Variants in EGLN1 observed in about 807,000 individuals in gnomAD.
EGLN1 encodes the protein egl-9 family hypoxia inducible factor 1, also known as egl nine homolog 1.
Under a neutral mutation model 38.3 loss-of-function variants are expected in EGLN1, and 17 were observed. The observed-to-expected ratio is 0.44, with a 90% confidence interval of 0.30 to 0.67. The LOEUF is 0.67. Among genes scored for constraint, EGLN1 ranks in the 30% least tolerant of loss-of-function variants. EGLN1 has a pLI of 0.08. For synonymous variants in EGLN1, 283 were observed against 257.5 expected, an observed-to-expected ratio of 1.10 and a Z score of -0.95; for missense variants, 477 against 603.3, an observed-to-expected ratio of 0.79 and a Z score of 2.19.
chr1:231,402,974 T>C (rs999912589), intron 1 of EGLN1, among the ~76,000 whole-genome samples: 2 of 152,118 alleles, frequency 1.3e-5, no homozygotes, highest in South Asian at 4.1e-4. Flanking sequence ...CCCTGTACCA[T>C]TGCTCTACAT....
chr1:231,388,142 A>G (rs1688268520), intron 1 of EGLN1, among the ~76,000 whole-genome samples: 1 of 152,202 alleles, frequency 6.6e-6, no homozygotes, highest in African/African-American at 2.4e-5. Context: ...AAGCAAAGTG[A>G]TTGATGGGCC....
At chr1:231,402,967 T>C (rs558216398) in intron 1 of EGLN1, among the ~76,000 whole-genome samples, 2 of 151,902 alleles carry the variant, frequency 1.3e-5, no homozygotes, top group African/African-American at 2.4e-5. Flanking sequence ...CTCTTCACCC[T>C]GTACCATTGC....
chr1:231,381,373 T>G (rs1222674400), intron 1 of EGLN1, among the ~76,000 whole-genome samples: 1 of 152,146 alleles, frequency 6.6e-6, no homozygotes, highest in Non-Finnish European at 1.5e-5. Flanking sequence ...TGTAAAGTTT[T>G]TAAAAATCCA....
chr1:231,393,839 A>C (rs988264090), intron 1 of EGLN1, among the ~76,000 whole-genome samples: 1 of 152,178 alleles, frequency 6.6e-6, no homozygotes, highest in African/African-American at 2.4e-5. Context: ...TGTTCCCAGT[A>C]GGTTTTAATA....
intron 2 of EGLN1, among the ~76,000 whole-genome samples, chr1:231,373,513 A>G (rs2808580): frequency 0.55 from 82,927 of 152,054 alleles, 24,240 homozygotes; most frequent in Non-Finnish European, 0.65. Context: ...ACTTTTTTAT[A>G]TGGTTTTGAG....
chr1:231,369,832 AT>A (rs953812099), intron 3 of EGLN1, among the ~76,000 whole-genome samples: 231 of 152,110 alleles, frequency 1.5e-3, no homozygotes, highest in African/African-American at 4.3e-3. Flanking sequence ...AAAAATAAGT[AT>A]TTTTTTTTAA....
rs1460042971 is a variant in EGLN1, at chr1:231,365,947, G to A, written c.*464C>T. ...AGGGCAAAATTTAATAGTATGAACA[G>A]GTTTACAAAAATAGATTGATGTTAT... On this transcript the variant is annotated 3_prime_UTR_variant, in exon 5 of 5. Transcript: ENST00000366641. 6.0e-6 allele frequency: 1 copy of A among 165,404 alleles called. No homozygotes were observed. Among genetic ancestry groups the A allele is most frequent in the African/African-American group, 2.4e-5 (1 of 41,510 alleles). The allele number at this position is 165,404 out of a possible 1,614,324, so 10.2% of individuals were successfully genotyped here. A position where few individuals can be genotyped will look rare whatever the true frequency, so the allele number is the denominator to read the frequency against.
At chr1:231,369,348 C>G (rs946875937) in intron 3 of EGLN1, among the ~76,000 whole-genome samples, 4 of 152,178 alleles carry the variant, frequency 2.6e-5, no homozygotes, top group African/African-American at 7.2e-5. Flanking sequence ...TCCCAAGTAT[C>G]TGTTATTTAT....
chr1:231,373,675 TGC>T (rs758944944), intron 2 of EGLN1, among the ~76,000 whole-genome samples: 82,248 of 123,616 alleles, frequency 0.67, 23,994 homozygotes, highest in Non-Finnish European at 0.71. Context: ...ACCTCGTGTG[TGC>T]GTGTGTGTGT....
intron 1 of EGLN1, among the ~76,000 whole-genome samples, chr1:231,383,914 C>CTA (rs565974718): frequency 2.0e-4 from 31 of 152,166 alleles, no homozygotes; most frequent in African/African-American, 7.5e-4. Flanking sequence ...GTACTTTAAA[C>CTA]AAGCACTTCA....
chr1:231,375,291 A>C (rs1687932171), intron 1 of EGLN1, among the ~76,000 whole-genome samples: 1 of 144,780 alleles, frequency 6.9e-6, no homozygotes, highest in African/African-American at 2.5e-5. Flanking sequence ...CCTGACCTCA[A>C]GTGATCCTCC....
intron 1 of EGLN1, among the ~76,000 whole-genome samples, chr1:231,377,179 A>G (rs2808584): frequency 0.55 from 82,934 of 152,126 alleles, 24,240 homozygotes; most frequent in Non-Finnish European, 0.65. Flanking sequence ...TAATTTGTGC[A>G]TAACAAGTTG....
At chr1:231,386,982 T>G (rs1688226859) in intron 1 of EGLN1, among the ~76,000 whole-genome samples, 1 of 152,068 alleles carries the variant, frequency 6.6e-6, no homozygotes, top group Admixed American at 6.6e-5. Context: ...TGCCTCAGCC[T>G]CCTGAACAGC....
chr1:231,420,849 T>C, intron 1 of EGLN1, 149 bp downstream of exon 1: 2 of 1,505,318 alleles, frequency 1.3e-6, no homozygotes, highest in South Asian at 1.1e-5. Flanking sequence ...ACAAATTCTG[T>C]CCGTCTTCCT....
intron 1 of EGLN1, among the ~76,000 whole-genome samples, chr1:231,374,552 CTG>C (rs1687909300): frequency 6.6e-6 from 1 of 150,470 alleles, no homozygotes; most frequent in African/African-American, 2.4e-5. Context: ...GGGTCTGGCT[CTG>C]TTGCTCAGGT....
intron 1 of EGLN1, among the ~76,000 whole-genome samples, chr1:231,398,362 T>A (rs1320910436): frequency 6.6e-6 from 1 of 152,078 alleles, no homozygotes; most frequent in Non-Finnish European, 1.5e-5. Context: ...GGGGGTCACA[T>A]TATGTTGTCC....
At chr1:231,407,648 T>C (rs751691603) in intron 1 of EGLN1, among the ~76,000 whole-genome samples, 22 of 152,148 alleles carry the variant, frequency 1.4e-4, no homozygotes, top group Admixed American at 5.2e-4. Flanking sequence ...ACATAAGATA[T>C]GCAGGCCCTC....
At chr1:231,404,165 C>A (rs576077646) in intron 1 of EGLN1, among the ~76,000 whole-genome samples, 1 of 151,990 alleles carries the variant, frequency 6.6e-6, no homozygotes, top group Non-Finnish European at 1.5e-5. Flanking sequence ...AAGTGTGGAA[C>A]CTACATGAAA....
chr1:231,401,349 G>A (rs974299547), intron 1 of EGLN1, among the ~76,000 whole-genome samples: 1 of 152,088 alleles, frequency 6.6e-6, no homozygotes, highest in Non-Finnish European at 1.5e-5. Context: ...AGGTAATCTG[G>A]GTAGAAAGAG....
Sources: gnomAD v4.1 joint callset for allele counts (sites outside exome capture counted in the v4.1 genomes callset) on GRCh38, gnomAD v4.1.1 for gene constraint, MANE v1.5 for transcripts, NCBI Gene and HGNC (gene_info 2026-07-23, HGNC 2026-07-21) for gene names.